The following PASD1 variants were observed in gnomAD, a reference collection of about 807,000 sequenced individuals.
The protein encoded by PASD1 is PAS domain containing repressor 1.
In PASD1, 13 loss-of-function variants were observed where a neutral mutation model predicts 58.8. The observed-to-expected ratio is 0.22, with a 90% CI of 0.14 to 0.35. The LOEUF is 0.35. Ranked by LOEUF, PASD1 falls within the 10% of genes least tolerant of loss-of-function variation. PASD1 has a pLI of 1.00. For missense variants in PASD1, 734 were observed against 568.3 expected, an observed-to-expected ratio of 1.29 and a Z score of -2.96; for synonymous variants, 236 against 216.7, an observed-to-expected ratio of 1.09 and a Z score of -0.78.
chrX:151,635,830 C>T (rs1029600697), intron 8 of PASD1, among the ~76,000 whole-genome samples: 1 of 109,357 alleles, frequency 9.1e-6, no homozygotes, highest in Non-Finnish European at 1.9e-5. Flanking sequence ...TGGTTAATAA[C>T]AATGTATTTT....
In PASD1 at chrX:151,596,713, T is replaced by G. The variant is rs1013626851; in HGVS notation, c.-27-4814T>G. ...CTAATAATTTGCAGAATTTCTTAGGTTTTCTATGTAGATAATCAGAGTGTT... is the reference window on the plus strand; with the variant it reads ...CTAATAATTTGCAGAATTTCTTAGGGTTTCTATGTAGATAATCAGAGTGTT... On this transcript the variant is annotated intron_variant, in intron 1 of 15. Coordinates refer to ENST00000370357, the MANE Select transcript of PASD1 (RefSeq NM_173493.3). 4.4e-5 allele frequency among the ~76,000 whole-genome samples: 5 copies of G among 112,418 alleles called. No homozygotes were observed. The Admixed American group carries it at 4.7e-4, about 11-fold the overall frequency.
At chrX:151,653,751 C>CTTCCTTCTTTCTTTCT (rs2014170686) in intron 9 of PASD1, among the ~76,000 whole-genome samples, 1 of 16,970 alleles carries the variant, frequency 5.9e-5, no homozygotes, top group African/African-American at 1.4e-4. Flanking sequence ...TCTTTCCTTC[C>CTTCCTTCTTTCTTTCT]TTCTTTCTTT....
intron 11 of PASD1, among the ~76,000 whole-genome samples, chrX:151,669,334 C>T (rs556857651): frequency 3.7e-5 from 4 of 109,476 alleles, no homozygotes; most frequent in African/African-American, 1.0e-4. Flanking sequence ...TACATATACA[C>T]AATGTGTAAT....
intron 12 of PASD1, 152 bp from the exon 13 acceptor site, chrX:151,671,421 C>G: frequency 5.0e-6 from 4 of 798,416 alleles, no homozygotes; most frequent in Non-Finnish European, 7.3e-6. Context: ...TTGGCCCAGC[C>G]AGGCCTTGGC....
At chrX:151,604,588 C>T in intron 2 of PASD1, 58 bp from the exon 3 acceptor site, 1 of 839,173 alleles carries the variant, frequency 1.2e-6, no homozygotes. Flanking sequence ...AATCTAATAC[C>T]CATAGCTAAT....
At chrX:151,672,145 G>T in intron 13 of PASD1, 38 bp from the exon 14 acceptor site, 1 of 1,125,737 alleles carries the variant, frequency 8.9e-7, no homozygotes, top group Non-Finnish European at 1.2e-6. Context: ...GGCTCTTGCA[G>T]ACACCAGGGT....
At chrX:151,661,695 T>C (rs908889319) in intron 10 of PASD1, among the ~76,000 whole-genome samples, 21 of 111,878 alleles carry the variant, frequency 1.9e-4, no homozygotes, top group South Asian at 7.5e-4. Flanking sequence ...GGATCCCTCA[T>C]TGAATTTAAA....
At chrX:151,648,391 C>T (rs1448304842) in intron 8 of PASD1, among the ~76,000 whole-genome samples, 3 of 110,152 alleles carry the variant, frequency 2.7e-5, no homozygotes, top group African/African-American at 9.9e-5. Flanking sequence ...GGCATTGAGA[C>T]CTGCAGCAAA....
At position 151,601,602 on chromosome X, in the gene PASD1, G is replaced by A. The variant is rs775653107; in HGVS notation, c.28+21G>A. The A allele has an allele frequency of 5.8e-6, 7 of 1,202,404 alleles. No homozygotes were observed. The Admixed American group carries it at 1.5e-4, about 26-fold the overall frequency. On this transcript the variant is annotated intron_variant, in intron 2 of 15. Coordinates refer to ENST00000370357, the MANE Select transcript of PASD1 (RefSeq NM_173493.3). ...AAGAGGTATGCATTCATAACTGACT[G>A]ACATTTCTGTCAAAGCCCTCTCCCT...
intron 9 of PASD1, among the ~76,000 whole-genome samples, chrX:151,656,285 G>A (rs768592512): frequency 8.9e-6 from 1 of 111,836 alleles, no homozygotes; most frequent in Admixed American, 9.5e-5. Flanking sequence ...AAGTCAGGTA[G>A]CATGATGCCT....
rs752245108 is a variant in PASD1 at position 151,565,293 on chromosome X, T to C, written c.-28+1454T>C. Among the ~76,000 whole-genome samples, 9 of 112,294 alleles carry C rather than the reference T, an allele frequency of 8.0e-5. No homozygotes were observed. The East Asian group carries it at 8.5e-4, about 11-fold the overall frequency. On this transcript the variant is annotated intron_variant, in intron 1 of 15. Transcript: ENST00000370357. ...AACTAAAGAGAATGGGCAGAAAGCA[T>C]TGGACTCATGACTTTGAAAGTATTC...
chrX:151,649,413 A>C (rs1300014810), intron 9 of PASD1, among the ~76,000 whole-genome samples: 1 of 111,945 alleles, frequency 8.9e-6, no homozygotes, highest in Non-Finnish European at 1.9e-5. Context: ...TGATTCTGCC[A>C]CTTACCAGTT....
intron 8 of PASD1, among the ~76,000 whole-genome samples, chrX:151,641,278 A>G (rs986077113): frequency 2.8e-4 from 31 of 111,120 alleles, no homozygotes; most frequent in African/African-American, 9.2e-4. Context: ...TATGAAATGG[A>G]TAGATTTTTA....
At chrX:151,629,859 TAGTG>T (rs1369861199) in intron 8 of PASD1, among the ~76,000 whole-genome samples, 2 of 111,842 alleles carry the variant, frequency 1.8e-5, no homozygotes, top group Admixed American at 9.5e-5. Flanking sequence ...AATATTCAGA[TAGTG>T]AGAGTTTAGA....
At chrX:151,653,799 T>TTTCCTTCCTTCC (rs1225513913) in intron 9 of PASD1, among the ~76,000 whole-genome samples, 3 of 18,530 alleles carry the variant, frequency 1.6e-4, no homozygotes, top group African/African-American at 4.7e-4. Context: ...TCTTTCTTTC[T>TTTCCTTCCTTCC]TTCCTTCCTT....
intron 1 of PASD1, among the ~76,000 whole-genome samples, chrX:151,565,718 C>A (rs1192621308): frequency 9.1e-6 from 1 of 110,079 alleles, no homozygotes; most frequent in African/African-American, 3.3e-5. Context: ...CTACCATGCC[C>A]GGCTAATTTT....
intron 1 of PASD1, among the ~76,000 whole-genome samples, chrX:151,580,508 CTT>C (rs200293926): frequency 6.4e-4 from 43 of 67,141 alleles, no homozygotes; most frequent in East Asian, 3.3e-3. Flanking sequence ...TTCTTTTTTT[CTT>C]TTTTTTTTTT....
Position 151,595,827 on chromosome X carries a change from A to T in PASD1, c.-27-5700A>T, listed in dbSNP as rs190718886. On this transcript the variant is annotated intron_variant, in intron 1 of 15. Transcript: ENST00000370357. ...ATACTCTGCTCCACAAATTGTAACCATCTTTCTTGGTTTTCTGAACTCTTA... is the reference window on the plus strand; with the variant it reads ...ATACTCTGCTCCACAAATTGTAACCTTCTTTCTTGGTTTTCTGAACTCTTA... Among the ~76,000 whole-genome samples the T allele has an allele frequency of 4.5e-5, 5 of 111,556 alleles. No individual in the cohort carries two copies. In the East Asian group the frequency reaches 1.4e-3, roughly 32 times the overall value.
intron 8 of PASD1, among the ~76,000 whole-genome samples, chrX:151,627,819 C>T (rs1485237829): frequency 2.7e-5 from 3 of 111,754 alleles, no homozygotes; most frequent in Non-Finnish European, 5.6e-5. Context: ...ACAGTCCCAC[C>T]GACAGTGTAA....
Sources: allele counts gnomAD v4.1 joint callset (sites outside exome capture counted in the v4.1 genomes callset), GRCh38; gene constraint gnomAD v4.1.1; transcripts MANE v1.5; gene names NCBI Gene and HGNC (gene_info 2026-07-23, HGNC 2026-07-21).